The following FAT4 variants were observed in gnomAD, a reference collection of about 807,000 sequenced individuals.
FAT4 encodes the protein FAT atypical cadherin 4.
In FAT4, 84 loss-of-function variants were observed where a neutral mutation model predicts 303.9. The observed-to-expected ratio is 0.28, with a 90% confidence interval of 0.23 to 0.33. The LOEUF (loss-of-function observed/expected upper bound fraction) is 0.33. Ranked by LOEUF, FAT4 falls within the 10% of genes least tolerant of loss-of-function variation. The probability of loss-of-function intolerance (pLI) is 1.00; values close to 1 mark genes in which losing one functional copy is unlikely to be tolerated. For synonymous variants in FAT4, 2,307 were observed against 2,298.8 expected (o/e 1.00, Z -0.10); for missense variants, 6,005 against 6,146.8 (o/e 0.98, Z 0.77).
At chr4:125,455,109 T>G (rs1373165023) in intron 10 of FAT4, among the ~76,000 whole-genome samples, 1 of 152,224 alleles carries the variant, frequency 6.6e-6, no homozygotes, top group Non-Finnish European at 1.5e-5. Flanking sequence ...CCAAAATTAC[T>G]TTATCGGCTG....
chr4:125,416,655 T>G, intron 7 of FAT4, 33 bp downstream of exon 7: 1 of 1,606,428 alleles, frequency 6.2e-7, no homozygotes, highest in Non-Finnish European at 8.5e-7. Context: ...CATTTGTAGA[T>G]AATTTCTAGG....
chr4:125,321,046 C>T lies in FAT4; in HGVS notation c.4635C>T (p.Ser1545=), dbSNP rs752159769. Residue 1545 remains serine, a synonymous_variant, in exon 2 of 18, where the codon TCC becomes TCT. Coordinates refer to ENST00000394329, the MANE Select transcript of FAT4 (RefSeq NM_001291303.3). ...LAADPSAVIG[S]VLTTIMAADP... ...CAGACCCATCAGCTGTGATTGGTTC[C>T]GTTCTGACAACAATTATGGCTGCTG... The T allele has an allele frequency of 1.6e-5, 26 of 1,613,984 alleles. No homozygotes were observed. The highest frequency in any genetic ancestry group is 3.3e-5 in the South Asian group (3 of 91,080).
In FAT4 at chr4:125,415,809, C is replaced by T. The variant is rs760144122; in HGVS notation, c.6843+3C>T. On this transcript the variant is annotated splice_donor_region_variant and intron_variant, in intron 6 of 17. Transcript: ENST00000394329. ...CACTACCCAGAACAATTCTTCAGGT[C>T]AGTATATTTAAATAAAGCAAGTATT... 2 of 1,590,706 alleles carry T rather than the reference C, an allele frequency of 1.3e-6. No individual in the cohort carries two copies. The highest frequency in any genetic ancestry group is 1.8e-5 in the Admixed American group (1 of 57,066).
At position 125,318,160 on chromosome 4, in the gene FAT4, C is replaced by T. The variant is rs756366102; in HGVS notation, c.1749C>T (p.Ser583=). 2 of 1,614,146 alleles carry T rather than the reference C, an allele frequency of 1.2e-6. No homozygotes were observed. The highest frequency in any genetic ancestry group is 1.7e-6 in the Non-Finnish European group (2 of 1,180,026). The change falls in exon 2 of 18, where the codon AGC becomes AGT. Residue 583 remains serine, a synonymous_variant. Coordinates refer to ENST00000394329, the MANE Select transcript of FAT4 (RefSeq NM_001291303.3). Reference sequence around the variant, plus strand: ...TGAATGATGAAAAGCCAGTATTTAGCCAGCCAGAAGGGTATGATGTGTCTG... The same window carrying T: ...TGAATGATGAAAAGCCAGTATTTAGTCAGCCAGAAGGGTATGATGTGTCTG... The part of the protein sequence containing the change: ...LDVNDEKPVF[S]QPEGYDVSVV...
At chr4:125,382,943 A>G (rs1733597174) in intron 2 of FAT4, among the ~76,000 whole-genome samples, 1 of 152,214 alleles carries the variant, frequency 6.6e-6, no homozygotes, top group Non-Finnish European at 1.5e-5. Context: ...GCTAGCTTCC[A>G]ACTTTTCTTC....
At position 125,318,397 on chromosome 4, in the gene FAT4, A is replaced by T. The variant is rs754559721; in HGVS notation, c.1986A>T (p.Thr662=). 5.0e-6 allele frequency: 8 copies of T among 1,614,174 alleles called. No individual in the cohort carries two copies. The South Asian group carries it at 8.8e-5, about 18-fold the overall frequency. Residue 662 remains threonine (T), a synonymous_variant, in exon 2 of 18, where the codon ACA becomes ACT. Transcript: ENST00000394329. ...TCTACTCCCTGTTGGTTCTGGCCAC[A>T]GATCTGGGCTCCCCTCCCCAGTCAT... ...QAFYSLLVLA[T]DLGSPPQSSM...
chr4:125,335,249 T>A (rs1308813423), intron 2 of FAT4, among the ~76,000 whole-genome samples: 1 of 152,186 alleles, frequency 6.6e-6, no homozygotes, highest in East Asian at 1.9e-4. Flanking sequence ...TTTTTATACT[T>A]ACATGAAGAA....
chr4:125,477,874 A>T (rs999138494), intron 14 of FAT4, among the ~76,000 whole-genome samples: 5 of 152,148 alleles, frequency 3.3e-5, no homozygotes, highest in African/African-American at 9.6e-5. Flanking sequence ...ATTTTATTTT[A>T]AAATTCCTTT....
intron 7 of FAT4, among the ~76,000 whole-genome samples, chr4:125,426,390 GA>G (rs1725088683): frequency 6.6e-6 from 1 of 151,916 alleles, no homozygotes; most frequent in Admixed American, 6.6e-5. Flanking sequence ...AAATGCATTT[GA>G]CTTAATTTTA....
chr4:125,329,380 T>C (rs2125955641), intron 2 of FAT4, among the ~76,000 whole-genome samples: 1 of 152,340 alleles, frequency 6.6e-6, no homozygotes, highest in East Asian at 1.9e-4. Context: ...CTAGTGGATT[T>C]TACTTCCATT....
At position 125,452,570 on chromosome 4, in the gene FAT4, C is replaced by G. The variant is rs1165023117; in HGVS notation, c.11560C>G (p.Pro3854Ala). The change falls in exon 10 of 18, where the codon CCA becomes GCA. Residue 3854 changes from proline (P) to alanine (A), a missense_variant. Pro to Ala is a conservative substitution (Grantham distance 27). Coordinates refer to ENST00000394329, the MANE Select transcript of FAT4 (RefSeq NM_001291303.3). ...GCAGCCTTTCTTATGCAAGTGTCTG[C>G]CAGGATATGCGGGTAGCTGGTGTGA... ...PLQPFLCKCLPGYAGSWCEID... is the reference protein window; with the variant it reads ...PLQPFLCKCLAGYAGSWCEID... 1.2e-6 allele frequency: 2 copies of G among 1,614,012 alleles called. No homozygotes were observed. The highest frequency in any genetic ancestry group is 1.7e-6 in the Non-Finnish European group (2 of 1,180,034).
Position 125,491,483 on chromosome 4 carries a change from A to G in FAT4, c.14667A>G (p.Arg4889=), listed in dbSNP as rs202163876. The stretch of plus-strand genomic sequence containing the variant: ...ATGATGAAGATAATTATGGAGCCAG[A>G]CTGAAGCCTCGAAGGTACCACGGTC... The part of the protein sequence containing the change: ...DADDEDNYGA[R]LKPRRYHGRR... The change falls in exon 18 of 18, where the codon AGA becomes AGG. Residue 4889 remains arginine, a synonymous_variant. Transcript: ENST00000394329. The G allele has an allele frequency of 1.3e-5, 21 of 1,614,078 alleles. No individual in the cohort carries two copies. Among genetic ancestry groups the G allele is most frequent in the Non-Finnish European group, 1.7e-5 (20 of 1,180,038 alleles).
chr4:125,410,779 C>A (rs1734809703), intron 5 of FAT4, among the ~76,000 whole-genome samples: 1 of 152,060 alleles, frequency 6.6e-6, no homozygotes, highest in African/African-American at 2.4e-5. Flanking sequence ...ATTCCATGCA[C>A]ATGTAAGCAC....
chr4:125,380,304 T>C (rs1442927497), intron 2 of FAT4, among the ~76,000 whole-genome samples: 1 of 152,178 alleles, frequency 6.6e-6, no homozygotes, highest in Admixed American at 6.5e-5. Context: ...CAAGCAGCAA[T>C]ATTAACCTGC....
chr4:125,405,327 C>A (rs1057130504), intron 3 of FAT4, among the ~76,000 whole-genome samples: 10 of 152,076 alleles, frequency 6.6e-5, no homozygotes, highest in African/African-American at 2.4e-4. Flanking sequence ...TCCACAACAG[C>A]TGTATCATTT....
In FAT4 at chr4:125,315,325, G is replaced by T. The variant is rs922501340; in HGVS notation, c.-665G>T. 6.6e-6 allele frequency among the ~76,000 whole-genome samples: 1 copy of T among 152,170 alleles called. No individual in the cohort carries two copies. Among genetic ancestry groups the T allele is most frequent in the East Asian group, 2.0e-4 (1 of 5,126 alleles). The stretch of plus-strand genomic sequence containing the variant: ...GAGAGAGAGGCATCAACCACCCCCC[G>T]CCCCAAACAAAAAGCCTTGTGGATT... On this transcript the variant is annotated 5_prime_UTR_variant, in exon 1 of 18. Coordinates refer to ENST00000394329, the MANE Select transcript of FAT4 (RefSeq NM_001291303.3).
Position 125,320,745 on chromosome 4 carries a change from A to G in FAT4, c.4334A>G (p.His1445Arg), listed in dbSNP as rs370523155. 4 of 1,614,078 alleles carry G rather than the reference A, an allele frequency of 2.5e-6. No individual in the cohort carries two copies. The highest frequency in any genetic ancestry group is 1.3e-5 in the African/African-American group (1 of 74,948). The change falls in exon 2 of 18, where the codon CAT becomes CGT. Residue 1445 changes from histidine to arginine, a missense_variant. Coordinates refer to ENST00000394329, the MANE Select transcript of FAT4 (RefSeq NM_001291303.3). ...IGTSVISVTA[H>R]DPDADINGQL... is the part of the protein sequence containing the mutation. ...ACATCTGTCATTTCAGTGACTGCAC[A>G]TGACCCTGATGCAGACATTAATGGT...
At chr4:125,433,714 GAGA>G in intron 7 of FAT4, among the ~76,000 whole-genome samples, 1 of 152,168 alleles carries the variant, frequency 6.6e-6, no homozygotes, top group Non-Finnish European at 1.5e-5. Flanking sequence ...TAACACTTTT[GAGA>G]TATAACTTGA....
intron 3 of FAT4, among the ~76,000 whole-genome samples, chr4:125,403,093 T>C (rs553745866): frequency 3.3e-5 from 5 of 152,210 alleles, no homozygotes; most frequent in East Asian, 3.9e-4. Context: ...GTTTCTCTTA[T>C]AAGAAAATAG....
Sources: allele counts gnomAD v4.1 joint callset (sites outside exome capture counted in the v4.1 genomes callset), GRCh38; gene constraint gnomAD v4.1.1; transcripts MANE v1.5; gene names NCBI Gene and HGNC (gene_info 2026-07-23, HGNC 2026-07-21).